The following MAF variants were observed in gnomAD, a reference collection of about 807,000 sequenced individuals.
The protein encoded by MAF is MAF bZIP transcription factor, also known as transcription factor Maf.
In MAF, 10 loss-of-function variants were observed where a neutral mutation model predicts 22.0. That is an observed-to-expected ratio of 0.45 (90% CI 0.28 to 0.77). MAF has a LOEUF of 0.77. Ranked by LOEUF, MAF falls within the 30% of genes least tolerant of loss-of-function variation. The probability of loss-of-function intolerance (pLI) is 0.12; values close to 1 mark genes in which losing one functional copy is unlikely to be tolerated. For synonymous variants in MAF, 337 were observed against 255.8 expected (o/e 1.32, Z -3.03); for missense variants, 544 against 548.4 (o/e 0.99, Z 0.08).
chr16:79,543,539 C>T, the MAF span, among the ~76,000 whole-genome samples: 1 of 152,190 alleles, frequency 6.6e-6, no homozygotes, highest in African/African-American at 2.4e-5. Flanking sequence ...GCAGGACAGA[C>T]GCGCTCAGTC....
At chr16:79,296,778 C>T in the MAF span, among the ~76,000 whole-genome samples, 1 of 152,122 alleles carries the variant, frequency 6.6e-6, no homozygotes, top group South Asian at 2.1e-4. Flanking sequence ...GGGAAACACT[C>T]TGCCTATTTT....
At chr16:79,449,600 A>G in the MAF span, among the ~76,000 whole-genome samples, 23 of 152,136 alleles carry the variant, frequency 1.5e-4, no homozygotes, top group Non-Finnish European at 3.2e-4. Flanking sequence ...GAATGCTACA[A>G]CGCCGGCCTA....
the MAF span, among the ~76,000 whole-genome samples, chr16:79,352,384 G>A: frequency 6.6e-6 from 1 of 152,146 alleles, no homozygotes; most frequent in Non-Finnish European, 1.5e-5. Flanking sequence ...GTAAGGAGGT[G>A]TCATAGCACT....
the MAF span, among the ~76,000 whole-genome samples, chr16:79,563,410 A>G: frequency 3.0e-3 from 459 of 152,192 alleles, 1 homozygote; most frequent in East Asian, 8.7e-3. Flanking sequence ...TGTTAAGTAC[A>G]TCTTTATTGT....
At chr16:79,282,869 TA>T in the MAF span, among the ~76,000 whole-genome samples, 1 of 152,216 alleles carries the variant, frequency 6.6e-6, no homozygotes, top group African/African-American at 2.4e-5. Flanking sequence ...GGCTGTCAGC[TA>T]AACCCATTCA....
chr16:79,279,595 C>A, the MAF span, among the ~76,000 whole-genome samples: 3 of 152,236 alleles, frequency 2.0e-5, no homozygotes, highest in East Asian at 1.9e-4. Context: ...GACATTCAAG[C>A]ACTGACCCCT....
At chr16:79,436,608 C>A in the MAF span, among the ~76,000 whole-genome samples, 1 of 152,222 alleles carries the variant, frequency 6.6e-6, no homozygotes, top group Non-Finnish European at 1.5e-5. Flanking sequence ...TTGACTGTAA[C>A]TCACTTTTCT....
At chr16:79,210,045 G>C in the MAF span, among the ~76,000 whole-genome samples, 3 of 152,164 alleles carry the variant, frequency 2.0e-5, no homozygotes, top group African/African-American at 7.2e-5. Flanking sequence ...AGTCATGTCA[G>C]TTATTCAAAT....
chr16:79,339,994 A>G, the MAF span, among the ~76,000 whole-genome samples: 1 of 152,208 alleles, frequency 6.6e-6, no homozygotes, highest in African/African-American at 2.4e-5. Context: ...AGTTGCTGAG[A>G]AATGGAACAC....
chr16:79,439,453 G>C, the MAF span, among the ~76,000 whole-genome samples: 1 of 151,718 alleles, frequency 6.6e-6, no homozygotes, highest in Non-Finnish European at 1.5e-5. Context: ...GTACAGACAG[G>C]GTTTCACCTT....
chr16:79,366,937 G>T, the MAF span, among the ~76,000 whole-genome samples: 1 of 152,150 alleles, frequency 6.6e-6, no homozygotes, highest in Admixed American at 6.5e-5. Context: ...GTATCTCAGG[G>T]CTTGGTATAT....
At chr16:79,248,141 TACC>T in the MAF span, among the ~76,000 whole-genome samples, 2 of 151,758 alleles carry the variant, frequency 1.3e-5, no homozygotes, top group African/African-American at 4.8e-5. Context: ...AAAACAAGTG[TACC>T]ACATGTTAGA....
At chr16:79,230,437 C>A in the MAF span, among the ~76,000 whole-genome samples, 1 of 152,164 alleles carries the variant, frequency 6.6e-6, no homozygotes, top group Non-Finnish European at 1.5e-5. Context: ...GAAGCCCAGC[C>A]TAGACCCTGC....
At chr16:79,268,344 G>A in the MAF span, among the ~76,000 whole-genome samples, 1 of 152,072 alleles carries the variant, frequency 6.6e-6, no homozygotes, top group Non-Finnish European at 1.5e-5. Context: ...TGAGTCTTTT[G>A]CTCCTGGCTG....
chr16:79,526,438 C>T, the MAF span, among the ~76,000 whole-genome samples: 6 of 152,144 alleles, frequency 3.9e-5, no homozygotes, highest in Non-Finnish European at 7.3e-5. Context: ...TGTATATACA[C>T]GTGAAGCTTT....
the MAF span, among the ~76,000 whole-genome samples, chr16:79,428,738 G>C: frequency 6.6e-6 from 1 of 152,006 alleles, no homozygotes; most frequent in Non-Finnish European, 1.5e-5. Context: ...CTAGCTACTT[G>C]GGAGGCTGAG....
At chr16:79,315,722 G>T in the MAF span, among the ~76,000 whole-genome samples, 1 of 152,182 alleles carries the variant, frequency 6.6e-6, no homozygotes, top group African/African-American at 2.4e-5. Flanking sequence ...AGATGAAGAA[G>T]GTGAGGGGCA....
At chr16:79,400,784 C>T in the MAF span, among the ~76,000 whole-genome samples, 1 of 152,234 alleles carries the variant, frequency 6.6e-6, no homozygotes, top group African/African-American at 2.4e-5. Flanking sequence ...TTGGCCTTGG[C>T]CATCATGTTT....
chr16:79,553,487 G>C, the MAF span, among the ~76,000 whole-genome samples: 3 of 152,206 alleles, frequency 2.0e-5, no homozygotes, highest in Admixed American at 1.3e-4. Context: ...GAGTCAGTTT[G>C]TGCTCAGAAA....
Sources: gnomAD v4.1 joint callset for allele counts (sites outside exome capture counted in the v4.1 genomes callset) on GRCh38, gnomAD v4.1.1 for gene constraint, MANE v1.5 for transcripts, NCBI Gene and HGNC (gene_info 2026-07-23, HGNC 2026-07-21) for gene names.